The following PIK3C2G variants were observed in gnomAD, a reference collection of about 807,000 sequenced individuals.
PIK3C2G encodes phosphatidylinositol 3-kinase C2 domain-containing subunit gamma.
In PIK3C2G, 168 loss-of-function variants were observed where a neutral mutation model predicts 181.1. The ratio of observed to expected loss-of-function variants is 0.93; its 90% CI spans 0.82 to 1.05. The LOEUF is 1.05. Among genes scored for constraint, PIK3C2G ranks in the 50% least tolerant of loss-of-function variants. The pLI is 0.00. For missense variants in PIK3C2G, 1,869 were observed against 1,732.8 expected (o/e 1.08, Z -1.40); for synonymous variants, 573 against 592.2 (o/e 0.97, Z 0.47).
chr12:18,314,136 C>A, intron 6 of PIK3C2G, 72 bp downstream of exon 6: 1 of 711,926 alleles, frequency 1.4e-6, no homozygotes, highest in Non-Finnish European at 2.4e-6. Context: ...AATTTTTGAA[C>A]TATTGCCAAC....
chr12:18,708,209 G>A, the PIK3C2G span, among the ~76,000 whole-genome samples: 1 of 151,928 alleles, frequency 6.6e-6, no homozygotes, highest in Non-Finnish European at 1.5e-5. Flanking sequence ...CCACTGTTTG[G>A]TTATCTATCT....
chr12:18,572,352 T>C (rs1453754045), intron 29 of PIK3C2G, among the ~76,000 whole-genome samples: 1 of 147,768 alleles, frequency 6.8e-6, no homozygotes, highest in Non-Finnish European at 1.5e-5. Context: ...ATAAAATATA[T>C]ATAAAGCGAT....
chr12:18,590,249 C>A (rs75646189), intron 29 of PIK3C2G, among the ~76,000 whole-genome samples: 4 of 151,540 alleles, frequency 2.6e-5, no homozygotes, highest in Non-Finnish European at 5.9e-5. Context: ...CCATTAATTT[C>A]TAGTTGTATC....
intron 18 of PIK3C2G, among the ~76,000 whole-genome samples, chr12:18,443,203 C>T (rs1946841326): frequency 6.6e-6 from 1 of 152,092 alleles, no homozygotes; most frequent in Admixed American, 6.6e-5. Flanking sequence ...GAATGATTAC[C>T]TGGAACCTAA....
intron 12 of PIK3C2G, 41 bp from the exon 13 acceptor site, chr12:18,371,139 A>G (rs1372379632): frequency 5.3e-6 from 8 of 1,511,786 alleles, no homozygotes; most frequent in African/African-American, 1.4e-5. Flanking sequence ...AAATATCAGT[A>G]CAATTGGGTA....
At chr12:18,462,932 A>T (rs562921754) in intron 18 of PIK3C2G, among the ~76,000 whole-genome samples, 15 of 148,908 alleles carry the variant, frequency 1.0e-4, no homozygotes, top group South Asian at 6.3e-4. Flanking sequence ...CAAACATTTT[A>T]AAAAAAATAA....
intron 22 of PIK3C2G, among the ~76,000 whole-genome samples, chr12:18,500,792 G>C (rs910759577): frequency 6.6e-6 from 1 of 152,128 alleles, no homozygotes; most frequent in African/African-American, 2.4e-5. Flanking sequence ...CTTCCACACT[G>C]TGGAAGCTTT....
At chr12:18,720,845 C>A in the PIK3C2G span, among the ~76,000 whole-genome samples, 7 of 151,718 alleles carry the variant, frequency 4.6e-5, no homozygotes, top group Non-Finnish European at 1.0e-4. Context: ...AAATATGATA[C>A]AATACTAAGC....
intron 25 of PIK3C2G, among the ~76,000 whole-genome samples, chr12:18,546,019 A>C (rs145950693): frequency 0.012 from 1,759 of 152,078 alleles, 35 homozygotes; most frequent in African/African-American, 0.04. Flanking sequence ...ACAAATTCTC[A>C]CATGGGGATA....
At chr12:18,562,536 A>C (rs987733254) in intron 26 of PIK3C2G, among the ~76,000 whole-genome samples, 167 bp from the exon 27 acceptor site, 6 of 152,212 alleles carry the variant, frequency 3.9e-5, no homozygotes, top group African/African-American at 1.4e-4. Context: ...CTCCAGATGC[A>C]AACTTGAAGT....
chr12:18,334,680 G>A (rs1938350384), intron 8 of PIK3C2G, among the ~76,000 whole-genome samples: 1 of 151,910 alleles, frequency 6.6e-6, no homozygotes, highest in Non-Finnish European at 1.5e-5. Context: ...TTTAGTCTAT[G>A]TATCACCTCT....
intron 5 of PIK3C2G, among the ~76,000 whole-genome samples, chr12:18,306,368 G>T (rs907435820): frequency 1.3e-5 from 2 of 151,996 alleles, no homozygotes; most frequent in African/African-American, 4.8e-5. Flanking sequence ...CTAGTTTTAG[G>T]ATTGAACCTA....
chr12:18,643,854 G>A (rs1293127627), intron 32 of PIK3C2G, among the ~76,000 whole-genome samples: 1 of 152,000 alleles, frequency 6.6e-6, no homozygotes, highest in Non-Finnish European at 1.5e-5. Context: ...ACTCACCACA[G>A]CTGGGATTTC....
chr12:18,392,058 CAAG>C (rs1943570346), intron 15 of PIK3C2G, among the ~76,000 whole-genome samples: 1 of 152,040 alleles, frequency 6.6e-6, no homozygotes, highest in African/African-American at 2.4e-5. Flanking sequence ...ACAGTAGAAG[CAAG>C]CAGTGCAGCA....
At chr12:18,433,526 G>GA (rs1946283452) in intron 18 of PIK3C2G, among the ~76,000 whole-genome samples, 1 of 151,772 alleles carries the variant, frequency 6.6e-6, no homozygotes, top group Non-Finnish European at 1.5e-5. Flanking sequence ...ACTCCATCTC[G>GA]AAAAAAATAA....
chr12:18,365,478 T>C (rs1208904693), intron 12 of PIK3C2G, among the ~76,000 whole-genome samples: 1 of 152,190 alleles, frequency 6.6e-6, no homozygotes, highest in African/African-American at 2.4e-5. Context: ...CATGACTGAA[T>C]CCAATGTTTG....
downstream of PIK3C2G, among the ~76,000 whole-genome samples, chr12:18,653,148 TAAAAC>T (rs977913389): frequency 6.6e-6 from 1 of 152,050 alleles, no homozygotes; most frequent in Non-Finnish European, 1.5e-5. Flanking sequence ...ACTAATATCA[TAAAAC>T]AAAGTGGTTG....
intron 31 of PIK3C2G, among the ~76,000 whole-genome samples, chr12:18,626,300 T>A (rs1471631545): frequency 6.6e-6 from 1 of 151,928 alleles, no homozygotes; most frequent in African/African-American, 2.4e-5. Flanking sequence ...ATACAACAAC[T>A]CTATACTTTT....
the PIK3C2G span, among the ~76,000 whole-genome samples, chr12:18,653,686 C>T: frequency 3.3e-5 from 5 of 152,052 alleles, no homozygotes; most frequent in African/African-American, 1.2e-4. Flanking sequence ...GTCACCTCAA[C>T]CACATGGTGT....
Sources: allele counts gnomAD v4.1 joint callset (sites outside exome capture counted in the v4.1 genomes callset), GRCh38; gene constraint gnomAD v4.1.1; transcripts MANE v1.5; gene names NCBI Gene and HGNC (gene_info 2026-07-23, HGNC 2026-07-21).